GALNTL6: variants seen among roughly 807,000 people sequenced by gnomAD.
GALNTL6 encodes the protein polypeptide N-acetylgalactosaminyltransferase like 6.
A neutral mutation model predicts 73.7 loss-of-function variants in GALNTL6; 46 were observed. The observed-to-expected ratio is 0.62, with a 90% CI of 0.49 to 0.80. The LOEUF (loss-of-function observed/expected upper bound fraction) is 0.80. GALNTL6 is among the 30% of genes least tolerant of loss of function. The pLI, the probability that GALNTL6 is intolerant of heterozygous loss-of-function variation, is 0.00. For synonymous variants in GALNTL6, 259 were observed against 263.7 expected (o/e 0.98, Z 0.17); for missense variants, 604 against 755.0 (o/e 0.80, Z 2.34).
intron 2 of GALNTL6, among the ~76,000 whole-genome samples, chr4:172,153,470 C>G (rs988643029): frequency 6.6e-6 from 1 of 152,092 alleles, no homozygotes; most frequent in Non-Finnish European, 1.5e-5. Flanking sequence ...TAAATATTTG[C>G]AACTTCTGTT....
chr4:172,559,483 C>A (rs1736274235), intron 5 of GALNTL6, among the ~76,000 whole-genome samples: 1 of 152,140 alleles, frequency 6.6e-6, no homozygotes, highest in African/African-American at 2.4e-5. Flanking sequence ...CAAGACCAGG[C>A]ATTTTTCAGA....
At chr4:172,950,944 G>C (rs1749413892) in intron 9 of GALNTL6, among the ~76,000 whole-genome samples, 1 of 152,164 alleles carries the variant, frequency 6.6e-6, no homozygotes. Context: ...TAAGCTGGAG[G>C]CATCAAAACT....
intron 5 of GALNTL6, among the ~76,000 whole-genome samples, chr4:172,468,378 G>A (rs1042519244): frequency 6.6e-6 from 1 of 152,128 alleles, no homozygotes; most frequent in Non-Finnish European, 1.5e-5. Context: ...TTTTGCTTAA[G>A]ACTATTAGAA....
intron 5 of GALNTL6, among the ~76,000 whole-genome samples, chr4:172,606,548 T>C (rs1738269747): frequency 8.1e-6 from 1 of 123,690 alleles, no homozygotes; most frequent in Non-Finnish European, 1.7e-5. Flanking sequence ...AAGAAGGAAG[T>C]GTATATATAT....
chr4:172,477,727 T>C (rs776795070), intron 5 of GALNTL6, among the ~76,000 whole-genome samples: 4 of 152,206 alleles, frequency 2.6e-5, no homozygotes, highest in Non-Finnish European at 5.9e-5. Context: ...ACATTTATTT[T>C]ATTAATTTTA....
chr4:172,809,953 TGAACAA>T lies in GALNTL6; in HGVS notation c.739+409_739+414del, dbSNP rs1741197514. On this transcript the variant is annotated intron_variant, in intron 6 of 12. Transcript: ENST00000506823. The surrounding 1 kb of genome is among the most constrained non-coding windows in gnomAD (Gnocchi z 4.4). ...CACACACACACACACACACACACAT[TGAACAA>T]GTATTACAGGATTGTTAAGAAAAGA... Among the ~76,000 whole-genome samples, 1 of 138,942 alleles carries T rather than the reference TGAACAA, an allele frequency of 7.2e-6. No individual in the cohort carries two copies. The highest frequency in any genetic ancestry group is 2.7e-5 in the African/African-American group (1 of 36,730). The allele number at this position is 138,942 out of a possible 152,430, so 91.2% of individuals were successfully genotyped here.
At chr4:172,803,289 G>A (rs547532052) in intron 5 of GALNTL6, among the ~76,000 whole-genome samples, 28 of 152,290 alleles carry the variant, frequency 1.8e-4, no homozygotes, top group African/African-American at 6.0e-4. Flanking sequence ...ATTACCACCT[G>A]AGCTCTGCCT....
intron 5 of GALNTL6, among the ~76,000 whole-genome samples, chr4:172,594,329 A>G (rs1272826004): frequency 2.0e-5 from 3 of 152,152 alleles, no homozygotes; most frequent in African/African-American, 7.2e-5. Flanking sequence ...TGGGTGACAG[A>G]GCGAAACTCT....
chr4:172,894,028 A>T (rs1172994609), intron 8 of GALNTL6, among the ~76,000 whole-genome samples: 1 of 152,064 alleles, frequency 6.6e-6, no homozygotes, highest in African/African-American at 2.4e-5. Context: ...CCCTCTTCAA[A>T]TATGGTGTAT....
intron 2 of GALNTL6, among the ~76,000 whole-genome samples, chr4:172,198,108 CA>C (rs1735830968): frequency 6.6e-6 from 1 of 151,582 alleles, no homozygotes; most frequent in Admixed American, 6.6e-5. Flanking sequence ...GAGACTCTGT[CA>C]AAAAAACAAA....
chr4:172,931,354 G>C (rs1317148957), intron 9 of GALNTL6, 86 bp downstream of exon 9: 1 of 803,386 alleles, frequency 1.2e-6, no homozygotes, highest in African/African-American at 1.7e-5. Flanking sequence ...CACAGTCTGA[G>C]AAAAGCTCTC....
intron 5 of GALNTL6, among the ~76,000 whole-genome samples, chr4:172,806,020 A>G (rs902526015): frequency 6.6e-6 from 1 of 152,236 alleles, no homozygotes; most frequent in Non-Finnish European, 1.5e-5. Context: ...AACTCTGTTC[A>G]TACTAAAGAA....
intron 2 of GALNTL6, among the ~76,000 whole-genome samples, chr4:171,924,321 G>C (rs1305489405): frequency 6.6e-6 from 1 of 152,036 alleles, no homozygotes; most frequent in African/African-American, 2.4e-5. Context: ...AGTAAGTGCA[G>C]TTTCACAGGA....
chr4:172,478,827 A>G (rs969682297), intron 5 of GALNTL6, among the ~76,000 whole-genome samples: 22 of 152,176 alleles, frequency 1.4e-4, no homozygotes, highest in African/African-American at 5.1e-4. Flanking sequence ...CAAAAAACAG[A>G]TAATCTCATT....
rs911264925 is a variant in GALNTL6 at position 172,138,808 on chromosome 4, C to T, written c.139-90848C>T. Among the ~76,000 whole-genome samples the T allele has an allele frequency of 3.3e-5, 5 of 151,446 alleles. No homozygotes were observed. The South Asian group carries it at 8.3e-4, about 25-fold the overall frequency. Reference sequence around the variant, plus strand: ...CCTCCCAAAGTGCTGGGATTACAGGCTAAATAATTGTTATCTTTATTCCTG... The same window carrying T: ...CCTCCCAAAGTGCTGGGATTACAGGTTAAATAATTGTTATCTTTATTCCTG... On this transcript the variant is annotated intron_variant, in intron 2 of 12. Transcript: ENST00000506823.
intron 5 of GALNTL6, among the ~76,000 whole-genome samples, chr4:172,788,186 A>C (rs1051093846): frequency 1.3e-5 from 2 of 150,880 alleles, no homozygotes; most frequent in African/African-American, 2.4e-5. Context: ...TCTCTACAAA[A>C]AAACAAACAA....
chr4:172,951,440 G>A (rs1353028960), intron 9 of GALNTL6, among the ~76,000 whole-genome samples: 1 of 152,214 alleles, frequency 6.6e-6, no homozygotes, highest in African/African-American at 2.4e-5. Context: ...CTGTGGAAAA[G>A]ACTGGCTACT....
rs78064239 is a variant in GALNTL6, at chr4:172,947,839, C to T, written c.1150-4198C>T. Among the ~76,000 whole-genome samples, 665 of 152,236 alleles carry T rather than the reference C, an allele frequency of 4.4e-3. 3 individuals carry two copies. Among genetic ancestry groups the T allele is most frequent in the African/African-American group, 0.015 (604 of 41,532 alleles). On this transcript the variant is annotated intron_variant, in intron 9 of 12. Coordinates refer to ENST00000506823, the MANE Select transcript of GALNTL6 (RefSeq NM_001034845.3). ...GCGTGCTCCTATATAAATACCCTGA[C>T]GAACTCCAATGAGTATATGATTTTC...
At chr4:172,053,809 A>G (rs1047660628) in intron 2 of GALNTL6, among the ~76,000 whole-genome samples, 31 of 152,126 alleles carry the variant, frequency 2.0e-4, no homozygotes, top group African/African-American at 7.5e-4. Flanking sequence ...CCTTTTTTTT[A>G]CATGAATGGG....
Sources: gnomAD v4.1 joint callset for allele counts (sites outside exome capture counted in the v4.1 genomes callset) on GRCh38, gnomAD v4.1.1 for gene constraint, Gnocchi (gnomAD v3.1) non-coding constraint, MANE v1.5 for transcripts, NCBI Gene and HGNC (gene_info 2026-07-23, HGNC 2026-07-21) for gene names.